MTDH: variants seen among roughly 807,000 people sequenced by gnomAD.
The protein encoded by MTDH is protein LYRIC.
A neutral mutation model predicts 72.7 loss-of-function variants in MTDH; 34 were observed. The observed-to-expected ratio is 0.47, with a 90% CI of 0.36 to 0.62. The LOEUF (loss-of-function observed/expected upper bound fraction) is 0.62, where lower values mean the gene tolerates loss of function less well. Ranked by LOEUF, MTDH falls within the 20% of genes least tolerant of loss-of-function variation. The pLI, the probability that MTDH is intolerant of heterozygous loss-of-function variation, is 0.00. For synonymous variants in MTDH, 266 were observed against 268.9 expected (o/e 0.99, Z 0.10); for missense variants, 677 against 699.4 (o/e 0.97, Z 0.36).
intron 1 of MTDH, among the ~76,000 whole-genome samples, chr8:97,649,433 C>G (rs1811679868): frequency 6.6e-6 from 1 of 152,120 alleles, no homozygotes; most frequent in Non-Finnish European, 1.5e-5. Flanking sequence ...CACATCCTTT[C>G]AGTAGTTTCC....
intron 7 of MTDH, among the ~76,000 whole-genome samples, chr8:97,702,972 C>T (rs1216475590): frequency 6.6e-6 from 1 of 152,148 alleles, no homozygotes; most frequent in South Asian, 2.1e-4. Flanking sequence ...AAAACTTTAG[C>T]GATAAGAAAT....
At chr8:97,699,688 C>G (rs1418001819) in intron 6 of MTDH, 66 bp from the exon 7 acceptor site, 6 of 1,081,040 alleles carry the variant, frequency 5.6e-6, no homozygotes, top group Non-Finnish European at 8.5e-6. Context: ...AAGTATAGAA[C>G]TATTGTTATG....
At chr8:97,716,413 G>T (rs142898648) in intron 9 of MTDH, among the ~76,000 whole-genome samples, 1 of 151,212 alleles carries the variant, frequency 6.6e-6, no homozygotes, top group African/African-American at 2.4e-5. Context: ...AAGTTAGGCC[G>T]GGTGCGGTGG....
intron 7 of MTDH, among the ~76,000 whole-genome samples, chr8:97,705,187 C>A (rs547569910): frequency 6.6e-6 from 1 of 151,474 alleles, no homozygotes; most frequent in African/African-American, 2.4e-5. Context: ...ATCCCAGCTA[C>A]TTGGGAGGCT....
chr8:97,683,509 C>T (rs1813224194), intron 2 of MTDH, among the ~76,000 whole-genome samples: 1 of 152,134 alleles, frequency 6.6e-6, no homozygotes. Flanking sequence ...GATCCTCCCA[C>T]CTCAGCCTCC....
intron 10 of MTDH, 70 bp downstream of exon 10, chr8:97,719,259 C>T (rs1815009133): frequency 6.6e-7 from 1 of 1,509,332 alleles, no homozygotes; most frequent in African/African-American, 1.4e-5. Flanking sequence ...CTTTGAGAGG[C>T]CAAGGTGGGC....
intron 8 of MTDH, among the ~76,000 whole-genome samples, chr8:97,708,128 C>T (rs538318382): frequency 8.6e-5 from 13 of 151,584 alleles, no homozygotes; most frequent in African/African-American, 1.9e-4. Context: ...CCACCATGCC[C>T]GGCTAATTTT....
At chr8:97,681,822 G>A (rs909635529) in intron 2 of MTDH, among the ~76,000 whole-genome samples, 14 of 151,932 alleles carry the variant, frequency 9.2e-5, no homozygotes, top group African/African-American at 3.1e-4. Flanking sequence ...TCTCACTTGC[G>A]TGTCATCCTC....
intron 10 of MTDH, among the ~76,000 whole-genome samples, chr8:97,719,807 A>G (rs998800579): frequency 3.3e-5 from 5 of 152,304 alleles, no homozygotes; most frequent in East Asian, 1.9e-4. Flanking sequence ...TTTTCCCCCA[A>G]TATATGTACA....
chr8:97,673,302 CTT>C (rs1258698544), intron 2 of MTDH, among the ~76,000 whole-genome samples: 2 of 151,974 alleles, frequency 1.3e-5, no homozygotes, highest in Non-Finnish European at 2.9e-5. Context: ...GGGAGAATCT[CTT>C]GAGGCCAGGA....
rs141795436 is a variant in MTDH at position 97,670,060 on chromosome 8, G to A, written c.483+8887G>A. ...CTGGGCGCCGTGGCTCACGCCTGTA[G>A]TCCCATCACTTTAGGAGGCTGAGAC... On this transcript the variant is annotated intron_variant, in intron 2 of 11. Coordinates refer to ENST00000336273, the MANE Select transcript of MTDH (RefSeq NM_178812.4). Among the ~76,000 whole-genome samples, 141 of 150,276 alleles carry A rather than the reference G, an allele frequency of 9.4e-4. 3 individuals carry two copies. The East Asian group carries it at 0.023, about 25-fold the overall frequency.
chr8:97,724,827 G>A lies in MTDH; in HGVS notation c.*157G>A. ...CACCACCATAAAAATGGAATCAAAA[G>A]AAAGTTAATTTATGAAATTAAGAGG... On this transcript the variant is annotated 3_prime_UTR_variant, in exon 12 of 12. Coordinates refer to ENST00000336273, the MANE Select transcript of MTDH (RefSeq NM_178812.4). 1 of 525,882 alleles carries A rather than the reference G, an allele frequency of 1.9e-6. No homozygotes were observed. 32.6% of individuals were successfully genotyped at this position (525,882 alleles called of 1,614,324 possible). A position where few individuals can be genotyped will look rare whatever the true frequency, so the allele number is the denominator to read the frequency against.
chr8:97,689,995 CT>C (rs34310010), intron 5 of MTDH, among the ~76,000 whole-genome samples: 53,343 of 126,486 alleles, frequency 0.42, 10,722 homozygotes, highest in East Asian at 0.62. Flanking sequence ...AGGCATCAGG[CT>C]TTTTTTTTTT....
At chr8:97,653,329 G>GT (rs1487793432) in intron 1 of MTDH, among the ~76,000 whole-genome samples, 2 of 152,066 alleles carry the variant, frequency 1.3e-5, no homozygotes, top group East Asian at 3.8e-4. Context: ...TACCTCTCTG[G>GT]TTTCGATGGC....
At chr8:97,656,128 T>C (rs1167686186) in intron 1 of MTDH, among the ~76,000 whole-genome samples, 1 of 152,046 alleles carries the variant, frequency 6.6e-6, no homozygotes, top group East Asian at 1.9e-4. Flanking sequence ...CTTTACATGT[T>C]GTGGCTAGAA....
Position 97,688,904 on chromosome 8 carries a change from A to C in MTDH, c.746-134A>C, listed in dbSNP as rs191623785. 2.1e-5 allele frequency: 8 copies of C among 390,158 alleles called. No homozygotes were observed. The East Asian group carries it at 2.9e-4, about 14-fold the overall frequency. 24.2% of individuals were successfully genotyped at this position (390,158 alleles called of 1,614,324 possible). A position where few individuals can be genotyped will look rare whatever the true frequency, so the allele number is the denominator to read the frequency against. ...TGTGTTGTAAAATTGACTTTTTTCC[A>C]GTGGAAGAATTTAGCACTTGAAGGA... On this transcript the variant is annotated intron_variant, in intron 4 of 11. Coordinates refer to ENST00000336273, the MANE Select transcript of MTDH (RefSeq NM_178812.4).
intron 6 of MTDH, among the ~76,000 whole-genome samples, chr8:97,692,880 C>G (rs1170803266): frequency 1.3e-5 from 2 of 151,904 alleles, no homozygotes; most frequent in African/African-American, 2.4e-5. Flanking sequence ...CAGGCGCACA[C>G]CACCACACTT....
chr8:97,722,152 T>A (rs759891543), intron 10 of MTDH, among the ~76,000 whole-genome samples: 3 of 152,154 alleles, frequency 2.0e-5, no homozygotes, highest in Non-Finnish European at 4.4e-5. Flanking sequence ...TAATCCCAGC[T>A]ACTCAGGAGG....
intron 8 of MTDH, among the ~76,000 whole-genome samples, 200 bp from the exon 9 acceptor site, chr8:97,713,462 C>CT (rs1364585841): frequency 1.3e-5 from 2 of 152,154 alleles, no homozygotes; most frequent in African/African-American, 4.8e-5. Context: ...CGTAGACACA[C>CT]TGAGAGAATG....
Sources: allele counts gnomAD v4.1 joint callset (sites outside exome capture counted in the v4.1 genomes callset), GRCh38; gene constraint gnomAD v4.1.1; transcripts MANE v1.5; gene names NCBI Gene and HGNC (gene_info 2026-07-23, HGNC 2026-07-21).